Variants in PLEKHG3 observed in about 807,000 individuals in gnomAD.
PLEKHG3 encodes pleckstrin homology and RhoGEF domain containing G3.
In PLEKHG3, 62 loss-of-function variants were observed where a neutral mutation model predicts 94.9. The ratio of observed to expected loss-of-function variants is 0.65; its 90% CI spans 0.53 to 0.81. PLEKHG3 has a LOEUF of 0.81. Ranked by LOEUF, PLEKHG3 falls within the 30% of genes least tolerant of loss-of-function variation. PLEKHG3 has a pLI of 0.00. For synonymous variants in PLEKHG3, 614 were observed against 654.0 expected (o/e 0.94, Z 0.93); for missense variants, 1,461 against 1,619.3 (o/e 0.90, Z 1.68).
chr14:64,733,164 CTTTTTT>C (rs112116298), intron 12 of PLEKHG3, among the ~76,000 whole-genome samples: 11,264 of 135,278 alleles, frequency 0.083, 492 homozygotes, highest in Non-Finnish European at 0.092. Flanking sequence ...TTTTCTTTTT[CTTTTTT>C]TTTTTTTTTT....
At chr14:64,713,599 T>C (rs181095026) in intron 1 of PLEKHG3, among the ~76,000 whole-genome samples, 1 of 152,344 alleles carries the variant, frequency 6.6e-6, no homozygotes, top group Admixed American at 6.5e-5. Context: ...TTAAGATATT[T>C]TTTGTCTTTG....
Position 64,747,661 on chromosome 14 carries a change from C to G in PLEKHG3, c.*3958C>G, listed in dbSNP as rs532205422. 8.5e-5 allele frequency: 13 copies of G among 152,348 alleles called. No individual in the cohort carries two copies. The highest frequency in any genetic ancestry group is 2.9e-4 in the African/African-American group (12 of 41,546). 9.4% of individuals were successfully genotyped at this position (152,348 alleles called of 1,614,324 possible). A position where few individuals can be genotyped will look rare whatever the true frequency, so the allele number is the denominator to read the frequency against. ...AGGGGGCCTCATTCTGGATGCCTGC[C>G]CCTGTGGCTTCTACCTGAACCTCAC... On this transcript the variant is annotated 3_prime_UTR_variant, in exon 17 of 17. Coordinates refer to ENST00000247226, the MANE Select transcript of PLEKHG3 (RefSeq NM_001308147.2).
Position 64,738,945 on chromosome 14 carries a change from C to T in PLEKHG3, c.1518+90C>T, listed in dbSNP as rs1446964216. On this transcript the variant is annotated intron_variant, in intron 15 of 16. Coordinates refer to ENST00000247226, the MANE Select transcript of PLEKHG3 (RefSeq NM_001308147.2). This position sits in a 1 kb window ranked among gnomAD's most constrained non-coding sequence, Gnocchi z 4.8. ...CAAATAGGGCTTTCAGGCACAGGCT[C>T]TCCCACTGGGCCCATGGGAACAGAG... 33 of 793,658 alleles carry T rather than the reference C, an allele frequency of 4.2e-5. 1 individual carries two copies. The highest frequency in any genetic ancestry group is 6.3e-5 in the Non-Finnish European group (29 of 463,482). 49.2% of individuals were successfully genotyped at this position (793,658 alleles called of 1,614,324 possible).
chr14:64,710,777 C>T (rs972875278), intron 1 of PLEKHG3, among the ~76,000 whole-genome samples: 3 of 150,608 alleles, frequency 2.0e-5, no homozygotes, highest in Admixed American at 6.6e-5. Flanking sequence ...GAGATAAAAA[C>T]TCCAGGAAAA....
rs1376796593 is a variant in PLEKHG3, at chr14:64,739,290, C to T, written c.1518+435C>T. ...TCTGTAACTGATGTGTTATTTCTTCCTACTCTTCCCCACAATGGCTCTAGA... is the reference window on the plus strand; with the variant it reads ...TCTGTAACTGATGTGTTATTTCTTCTTACTCTTCCCCACAATGGCTCTAGA... On this transcript the variant is annotated intron_variant, in intron 15 of 16. Transcript: ENST00000247226. This position sits in a 1 kb window ranked among gnomAD's most constrained non-coding sequence, Gnocchi z 4.1. 6.6e-6 allele frequency among the ~76,000 whole-genome samples: 1 copy of T among 152,172 alleles called. No homozygotes were observed. Among genetic ancestry groups the T allele is most frequent in the African/African-American group, 2.4e-5 (1 of 41,426 alleles).
At position 64,749,823 on chromosome 14, in the gene PLEKHG3, C is replaced by A; in HGVS notation, c.*6120C>A. 6.7e-7 allele frequency: 1 copy of A among 1,492,508 alleles called. No homozygotes were observed. Among genetic ancestry groups the A allele is most frequent in the Non-Finnish European group, 9.2e-7 (1 of 1,083,944 alleles). 92.5% of individuals were successfully genotyped at this position (1,492,508 alleles called of 1,614,324 possible). A position where few individuals can be genotyped will look rare whatever the true frequency, so the allele number is the denominator to read the frequency against. ...CCCCTCTCAGGCAGCCCAGCACTTT[C>A]TGAGAGGTCAAAGTCTGGACCATCA... On this transcript the variant is annotated 3_prime_UTR_variant, in exon 17 of 17. Transcript: ENST00000247226. The surrounding 1 kb of genome is among the most constrained non-coding windows in gnomAD (Gnocchi z 4.7).
Position 64,741,120 on chromosome 14 carries a change from A to G in PLEKHG3, c.1603A>G (p.Thr535Ala), listed in dbSNP as rs371038759. The G allele has an allele frequency of 2.5e-6, 4 of 1,614,038 alleles. No individual in the cohort carries two copies. The highest frequency in any genetic ancestry group is 3.4e-6 in the Non-Finnish European group (4 of 1,179,948). The change falls in exon 16 of 17, where the codon ACA becomes GCA. Residue 535 changes from threonine (T) to alanine (A), a missense_variant. By Grantham distance (58) the Thr-to-Ala change is moderately conservative. Transcript: ENST00000247226. ...GPSAEETPSD[T>A]ESPEVLETQL... ...CAGTGCCGAGGAGACGCCTTCAGAC[A>G]CAGAATCTCCAGAAGTCCTGGAGAC...
chr14:64,704,944 T>C lies in PLEKHG3; in HGVS notation c.-40+240T>C, dbSNP rs935630342. ...TGGGGAGACTTTTTCTGTCTTTTTT[T>C]CCCTCCACTCCGGAAACAAAAGGGG... On this transcript the variant is annotated intron_variant, in intron 1 of 16. Transcript: ENST00000247226. The surrounding 1 kb of genome is among the most constrained non-coding windows in gnomAD (Gnocchi z 5.6). 3.0e-4 allele frequency among the ~76,000 whole-genome samples: 45 copies of C among 152,064 alleles called. No individual in the cohort carries two copies. Among genetic ancestry groups the C allele is most frequent in the Non-Finnish European group, 5.4e-4 (37 of 68,010 alleles).
intron 1 of PLEKHG3, among the ~76,000 whole-genome samples, chr14:64,709,371 G>A (rs1190156035): frequency 2.0e-5 from 3 of 152,202 alleles, no homozygotes; most frequent in African/African-American, 7.2e-5. Flanking sequence ...GGGAGAAGAG[G>A]GCTTTATACA....
At chr14:64,711,571 G>A (rs1042502203) in intron 1 of PLEKHG3, among the ~76,000 whole-genome samples, 1 of 151,992 alleles carries the variant, frequency 6.6e-6, no homozygotes, top group Non-Finnish European at 1.5e-5. Flanking sequence ...CCACCACCAC[G>A]TCTGGCTAAT....
Position 64,743,814 on chromosome 14 carries a change from C to T in PLEKHG3, c.*111C>T, listed in dbSNP as rs1227710723. The T allele has an allele frequency of 1.7e-5, 21 of 1,223,188 alleles. No individual in the cohort carries two copies. The highest frequency in any genetic ancestry group is 1.6e-4 in the South Asian group (10 of 62,028). The allele number at this position is 1,223,188 out of a possible 1,614,324, so 75.8% of individuals were successfully genotyped here. A position where few individuals can be genotyped will look rare whatever the true frequency, so the allele number is the denominator to read the frequency against. On this transcript the variant is annotated 3_prime_UTR_variant, in exon 17 of 17. Transcript: ENST00000247226. The surrounding 1 kb of genome is among the most constrained non-coding windows in gnomAD (Gnocchi z 7.2). ...CCCCTGCCCAGGGCCCTCAGGTGGG[C>T]GGAAAGTCCATCCCCTCCGCCCTTC...
chr14:64,741,894 A>T lies in PLEKHG3; in HGVS notation c.2377A>T (p.Ser793Cys). Residue 793 changes from serine to cysteine, a missense_variant, in exon 16 of 17, where the codon AGC becomes TGC. By Grantham distance (112) the Ser-to-Cys change is moderately radical. This residue lies in a region of PLEKHG3 where 1,201 missense variants were observed against 1,295.5 expected (regional missense o/e 0.93). Transcript: ENST00000247226. ...SWALFELPGP[S>C]QAVKGDPPPI... The stretch of plus-strand genomic sequence containing the variant: ...GGCCCTGTTTGAGCTCCCAGGACCA[A>T]GCCAGGCAGTCAAAGGGGACCCACC... 6.2e-7 allele frequency: 1 copy of T among 1,605,774 alleles called. No homozygotes were observed. Among genetic ancestry groups the T allele is most frequent in the Non-Finnish European group, 8.5e-7 (1 of 1,176,506 alleles).
rs761444912 is a variant in PLEKHG3 at position 64,725,345 on chromosome 14, G to A, written c.-39-2248G>A. ...TGTGATCTGGGAAAGGTCTTAGGCT[G>A]TAAATCCCTGCCCCTTTGTTCCCTG... On this transcript the variant is annotated intron_variant, in intron 1 of 16. Coordinates refer to ENST00000247226, the MANE Select transcript of PLEKHG3 (RefSeq NM_001308147.2). This position sits in a 1 kb window ranked among gnomAD's most constrained non-coding sequence, Gnocchi z 5.0. 1.1e-4 allele frequency among the ~76,000 whole-genome samples: 15 copies of A among 140,650 alleles called. No homozygotes were observed. Among genetic ancestry groups the A allele is most frequent in the Non-Finnish European group, 1.9e-4 (12 of 64,462 alleles). The allele number at this position is 140,650 out of a possible 152,430, so 92.3% of individuals were successfully genotyped here. A position where few individuals can be genotyped will look rare whatever the true frequency, so the allele number is the denominator to read the frequency against.
chr14:64,742,262 C>T lies in PLEKHG3; in HGVS notation c.2745C>T (p.Asp915=). The part of the protein sequence containing the change: ...PRIVQLSHVM[D]SHVSERVKNK... ...TCGTGCAGCTCTCCCACGTAATGGA[C>T]AGCCACGTGAGCGAGCGCGTCAAGA... The change falls in exon 16 of 17, where the codon GAC becomes GAT. Residue 915 remains aspartate (D), a synonymous_variant. Transcript: ENST00000247226. The T allele has an allele frequency of 6.2e-7, 1 of 1,613,060 alleles. No individual in the cohort carries two copies. Among genetic ancestry groups the T allele is most frequent in the Non-Finnish European group, 8.5e-7 (1 of 1,180,030 alleles).
At position 64,727,721 on chromosome 14, in the gene PLEKHG3, T is replaced by G. The variant is rs1265948365; in HGVS notation, c.90T>G (p.Cys30Trp). The change falls in exon 2 of 17, where the codon TGT becomes TGG. Residue 30 changes from cysteine (C) to tryptophan (W), a missense_variant. By Grantham distance (215) the Cys-to-Trp change is radical (BLOSUM62 -2). Coordinates refer to ENST00000247226, the MANE Select transcript of PLEKHG3 (RefSeq NM_001308147.2). The surrounding 1 kb of genome is among the most constrained non-coding windows in gnomAD (Gnocchi z 6.0). ...CCACCTCCTCGTCGGGCTCCTCCTG[T>G]GACAGTCGCAGTGCCATGGAGGAGC... is the stretch of plus-strand genomic sequence containing the variant. Reference protein sequence around the residue: ...TSTTSSSGSSCDSRSAMEEPS... With the variant: ...TSTTSSSGSSWDSRSAMEEPS... 2 of 1,612,052 alleles carry G rather than the reference T, an allele frequency of 1.2e-6. No individual in the cohort carries two copies. Among genetic ancestry groups the G allele is most frequent in the African/African-American group, 1.3e-5 (1 of 74,886 alleles).
intron 1 of PLEKHG3, among the ~76,000 whole-genome samples, chr14:64,714,723 G>C (rs781255422): frequency 6.6e-6 from 1 of 152,186 alleles, no homozygotes; most frequent in African/African-American, 2.4e-5. Context: ...GCGGAGAGGA[G>C]GTGAACAGCT....
At chr14:64,714,098 G>A (rs1207512956) in intron 1 of PLEKHG3, among the ~76,000 whole-genome samples, 2 of 151,700 alleles carry the variant, frequency 1.3e-5, no homozygotes, top group Non-Finnish European at 2.9e-5. Context: ...CTAGTTCTTT[G>A]AGTGCCAGTT....
rs562485317 is a variant in PLEKHG3, at chr14:64,713,166, A to T, written c.-40+8462A>T. 1.4e-4 allele frequency among the ~76,000 whole-genome samples: 21 copies of T among 152,314 alleles called. No homozygotes were observed. The South Asian group carries it at 4.1e-3, about 30-fold the overall frequency. ...CTGGGATAAATCCCACTTGGTCATAATGTATGGTTGTGGTTGCTAGATTCA... is the reference window on the plus strand; with the variant it reads ...CTGGGATAAATCCCACTTGGTCATATTGTATGGTTGTGGTTGCTAGATTCA... On this transcript the variant is annotated intron_variant, in intron 1 of 16. Transcript: ENST00000247226.
chr14:64,715,031 G>A lies in PLEKHG3; in HGVS notation c.-40+10327G>A, dbSNP rs930326055. Among the ~76,000 whole-genome samples, 2 of 152,124 alleles carry A rather than the reference G, an allele frequency of 1.3e-5. No individual in the cohort carries two copies. The highest frequency in any genetic ancestry group is 2.9e-5 in the Non-Finnish European group (2 of 68,024). The stretch of plus-strand genomic sequence containing the variant: ...TACTCACTGAGACCCCGTGCAGGTT[G>A]GTACCCCCACTGCAAGAGTGTGTGG... On this transcript the variant is annotated intron_variant, in intron 1 of 16. Coordinates refer to ENST00000247226, the MANE Select transcript of PLEKHG3 (RefSeq NM_001308147.2). The surrounding 1 kb of genome is among the most constrained non-coding windows in gnomAD (Gnocchi z 4.4).
Sources: allele counts gnomAD v4.1 joint callset (sites outside exome capture counted in the v4.1 genomes callset), GRCh38; gene constraint gnomAD v4.1.1; regional missense constraint gnomAD v4.1.1; non-coding constraint Gnocchi (gnomAD v3.1); transcripts MANE v1.5; gene names NCBI Gene and HGNC (gene_info 2026-07-23, HGNC 2026-07-21).